The following ZNF236 variants were observed in gnomAD, a reference collection of about 807,000 sequenced individuals.
ZNF236 encodes zinc finger protein 236.
A neutral mutation model predicts 191.2 loss-of-function variants in ZNF236; 50 were observed. The observed-to-expected ratio is 0.26, with a 90% confidence interval of 0.21 to 0.33. ZNF236 has a LOEUF of 0.33. ZNF236 is among the 10% of genes least tolerant of loss of function. The pLI, the probability that ZNF236 is intolerant of heterozygous loss-of-function variation, is 1.00. For missense variants in ZNF236, 1,754 were observed against 2,374.5 expected, an observed-to-expected ratio of 0.74 and a Z score of 5.43; for synonymous variants, 907 against 928.8, an observed-to-expected ratio of 0.98 and a Z score of 0.43.
intron 30 of ZNF236, among the ~76,000 whole-genome samples, chr18:76,966,026 C>CT (rs1307446776): frequency 6.6e-6 from 1 of 152,160 alleles, no homozygotes; most frequent in African/African-American, 2.4e-5. Flanking sequence ...CTAGGCGTGT[C>CT]TGAGCTCAGA....
chr18:76,861,658 G>A (rs1189704359), intron 3 of ZNF236, among the ~76,000 whole-genome samples: 2 of 152,080 alleles, frequency 1.3e-5, no homozygotes, highest in African/African-American at 4.8e-5. Flanking sequence ...GTAACTAGAG[G>A]GATAATTTCT....
In ZNF236 at chr18:76,927,434, C is replaced by G. The variant is rs1967734326; in HGVS notation, c.4331C>G (p.Ser1444Cys). 1.2e-6 allele frequency: 2 copies of G among 1,614,106 alleles called. No homozygotes were observed. The highest frequency in any genetic ancestry group is 2.2e-5 in the South Asian group (2 of 91,082). ...SVVIQPISGL[S>C]LQPTVTSANL... ...GTCATCCAGCCCATCTCAGGCCTGT[C>G]CTTACAGCCCACAGTGACCTCTGCG... Residue 1444 changes from serine (S) to cysteine (C), a missense_variant, in exon 24 of 31, where the codon TCC becomes TGC. Physicochemically the swap from Ser to Cys is moderately radical, Grantham distance 112 (BLOSUM62 -1). This residue lies in a region of ZNF236 where 606 missense variants were observed against 761.5 expected (regional missense o/e 0.80). Coordinates refer to ENST00000320610, the MANE Select transcript of ZNF236 (RefSeq NM_001306089.2). This position sits in a 1 kb window ranked among gnomAD's most constrained non-coding sequence, Gnocchi z 5.4.
chr18:76,900,324 C>CA (rs1224927380), intron 11 of ZNF236, among the ~76,000 whole-genome samples: 3 of 152,114 alleles, frequency 2.0e-5, no homozygotes, highest in African/African-American at 7.2e-5. Flanking sequence ...AGGAAATACT[C>CA]AAATTCTCAA....
chr18:76,927,863 A>C lies in ZNF236; in HGVS notation c.4415-64A>C. 1.6e-6 allele frequency: 2 copies of C among 1,234,458 alleles called. No homozygotes were observed. Among genetic ancestry groups the C allele is most frequent in the Non-Finnish European group, 2.2e-6 (2 of 901,788 alleles). The allele number at this position is 1,234,458 out of a possible 1,614,324, so 76.5% of individuals were successfully genotyped here. A position where few individuals can be genotyped will look rare whatever the true frequency, so the allele number is the denominator to read the frequency against. On this transcript the variant is annotated intron_variant, in intron 24 of 30. Coordinates refer to ENST00000320610, the MANE Select transcript of ZNF236 (RefSeq NM_001306089.2). This position sits in a 1 kb window ranked among gnomAD's most constrained non-coding sequence, Gnocchi z 5.4. The stretch of plus-strand genomic sequence containing the variant: ...ACAGTTTAATTAAAATATTTTTAAT[A>C]TAAAAACAGGGGAAATTGGTTATTT...
intron 27 of ZNF236, among the ~76,000 whole-genome samples, chr18:76,953,104 C>A (rs1425451696): frequency 1.3e-5 from 2 of 152,190 alleles, no homozygotes; most frequent in Admixed American, 6.5e-5. Flanking sequence ...TGTGTACTCA[C>A]AATGGAAAAA....
intron 27 of ZNF236, among the ~76,000 whole-genome samples, chr18:76,948,588 G>A (rs760503393): frequency 2.6e-5 from 4 of 152,198 alleles, no homozygotes; most frequent in Non-Finnish European, 4.4e-5. Context: ...GAAAAGGCAC[G>A]TGGGGTGGAG....
At chr18:76,874,851 G>A (rs1976671333) in intron 5 of ZNF236, among the ~76,000 whole-genome samples, 1 of 152,222 alleles carries the variant, frequency 6.6e-6, no homozygotes, top group Non-Finnish European at 1.5e-5. Flanking sequence ...AGGGGCAGGG[G>A]AGCTGACAAC....
At chr18:76,948,758 C>T (rs1193056258) in intron 27 of ZNF236, among the ~76,000 whole-genome samples, 2 of 152,206 alleles carry the variant, frequency 1.3e-5, no homozygotes, top group African/African-American at 4.8e-5. Flanking sequence ...TACAATCAGT[C>T]ATGTGGCCAT....
chr18:76,825,920 AT>A (rs1344914327), intron 1 of ZNF236, among the ~76,000 whole-genome samples: 2 of 152,214 alleles, frequency 1.3e-5, no homozygotes, highest in Non-Finnish European at 2.9e-5. Context: ...TGAGGGCTGC[AT>A]TTAAGAATGT....
Position 76,903,508 on chromosome 18 carries a change from G to A in ZNF236, c.1895-872G>A, listed in dbSNP as rs1977659634. Among the ~76,000 whole-genome samples the A allele has an allele frequency of 2.6e-5, 4 of 152,186 alleles. 1 individual carries two copies. In the South Asian group the frequency reaches 8.3e-4, roughly 32 times the overall value. On this transcript the variant is annotated intron_variant, in intron 11 of 30. Coordinates refer to ENST00000320610, the MANE Select transcript of ZNF236 (RefSeq NM_001306089.2). ...GGTGCATCATGCTAATCATTGTATA[G>A]CAGTTAAGGTACAAATGAGGGAGGA...
At chr18:76,926,361 G>A (rs182154918) in intron 22 of ZNF236, among the ~76,000 whole-genome samples, 5 of 152,200 alleles carry the variant, frequency 3.3e-5, no homozygotes, top group Admixed American at 1.3e-4. Flanking sequence ...CAGTGTATGC[G>A]TATGGCATAA....
chr18:76,878,002 C>T lies in ZNF236; in HGVS notation c.841-7C>T. ...AAACATCATTTTTTTCCTTTTTATT[C>T]TTTAAGGTCAAGAATGGTCCTACCT... On this transcript the variant is annotated splice_polypyrimidine_tract_variant and splice_region_variant and intron_variant, in intron 6 of 30. Transcript: ENST00000320610. 6.5e-7 allele frequency: 1 copy of T among 1,543,876 alleles called. No homozygotes were observed. Among genetic ancestry groups the T allele is most frequent in the African/African-American group, 1.4e-5 (1 of 72,902 alleles).
rs1221593055 is a variant in ZNF236, at chr18:76,834,889, T to C, written c.55+12227T>C. 1.8e-5 allele frequency: 6 copies of C among 324,854 alleles called. No individual in the cohort carries two copies. In the East Asian group the frequency reaches 2.8e-4, roughly 15 times the overall value. 20.1% of individuals were successfully genotyped at this position (324,854 alleles called of 1,614,324 possible). On this transcript the variant is annotated intron_variant, in intron 1 of 30. Coordinates refer to ENST00000320610, the MANE Select transcript of ZNF236 (RefSeq NM_001306089.2). The stretch of plus-strand genomic sequence containing the variant: ...AAGTCACAAAGGGATTGAACTTCAT[T>C]TGGGCTGCTCCCGCTTCACTGATGG...
intron 3 of ZNF236, among the ~76,000 whole-genome samples, chr18:76,859,856 C>A (rs1976162927): frequency 6.6e-6 from 1 of 152,110 alleles, no homozygotes; most frequent in Non-Finnish European, 1.5e-5. Flanking sequence ...CTGTCTTCAC[C>A]AAAAACATGG....
At chr18:76,835,427 T>A (rs1014933601) in intron 1 of ZNF236, among the ~76,000 whole-genome samples, 3 of 152,250 alleles carry the variant, frequency 2.0e-5, no homozygotes, top group Non-Finnish European at 2.9e-5. Flanking sequence ...TCTATGATTG[T>A]GAATTTGTCT....
At chr18:76,828,804 C>T (rs953570301) in intron 1 of ZNF236, among the ~76,000 whole-genome samples, 1 of 151,880 alleles carries the variant, frequency 6.6e-6, no homozygotes, top group Non-Finnish European at 1.5e-5. Flanking sequence ...GTTGCTGAGA[C>T]CACAGGCACA....
At position 76,924,724 on chromosome 18, in the gene ZNF236, T is replaced by C. The variant is rs182149066; in HGVS notation, c.3662-465T>C. Among the ~76,000 whole-genome samples, 415 of 152,340 alleles carry C rather than the reference T, an allele frequency of 2.7e-3. 3 individuals carry two copies. Among genetic ancestry groups the C allele is most frequent in the Non-Finnish European group, 4.0e-3 (275 of 68,030 alleles). On this transcript the variant is annotated intron_variant, in intron 21 of 30. Coordinates refer to ENST00000320610, the MANE Select transcript of ZNF236 (RefSeq NM_001306089.2). The stretch of plus-strand genomic sequence containing the variant: ...CTAGCATAGAACTTTCCTTTGCATA[T>C]TCTCCCAGTGTGATGCCTACCTGTG...
rs182075798 is a variant in ZNF236 at position 76,970,511 on chromosome 18, A to G, written c.*2172A>G. The G allele has an allele frequency of 3.5e-4, 54 of 152,752 alleles. No individual in the cohort carries two copies. The highest frequency in any genetic ancestry group is 3.4e-3 in the Middle Eastern group (1 of 294). 9.5% of individuals were successfully genotyped at this position (152,752 alleles called of 1,614,324 possible). On this transcript the variant is annotated 3_prime_UTR_variant, in exon 31 of 31. Transcript: ENST00000320610. ...TGCTTTTTTGCAGAACATTCCTTGA[A>G]AATATAAGGTTTTGAAAAGACATAA...
chr18:76,928,286 A>G (rs2122846671), intron 25 of ZNF236, among the ~76,000 whole-genome samples, 180 bp downstream of exon 25: 1 of 152,376 alleles, frequency 6.6e-6, no homozygotes, highest in East Asian at 1.9e-4. Context: ...ATCTGGCACC[A>G]GAAATGAAAA....
Sources: allele counts gnomAD v4.1 joint callset (sites outside exome capture counted in the v4.1 genomes callset), GRCh38; gene constraint gnomAD v4.1.1; regional missense constraint gnomAD v4.1.1; non-coding constraint Gnocchi (gnomAD v3.1); transcripts MANE v1.5; gene names NCBI Gene and HGNC (gene_info 2026-07-23, HGNC 2026-07-21).